SHANK2: variants seen among roughly 807,000 people sequenced by gnomAD.
SHANK2 encodes the protein SH3 and multiple ankyrin repeat domains 2.
SHANK2 carries 43 observed loss-of-function variants against 133.7 expected under a neutral mutation model. That is an observed-to-expected ratio of 0.32 (90% CI 0.25 to 0.41). SHANK2 has a LOEUF of 0.41. Ranked by LOEUF, SHANK2 falls within the 10% of genes least tolerant of loss-of-function variation. SHANK2 has a pLI of 1.00. For missense variants in SHANK2, 1,994 were observed against 2,235.8 expected (o/e 0.89, Z 2.18); for synonymous variants, 1,017 against 952.8 (o/e 1.07, Z -1.24).
At chr11:70,634,288 G>T (rs968534169) in intron 17 of SHANK2, 1 of 151,526 alleles carries the variant, frequency 6.6e-6, no homozygotes. Context: ...CGATGCCTGG[G>T]ATTTGCTGAA....
chr11:70,874,292 TA>T (rs797038832), intron 11 of SHANK2, among the ~76,000 whole-genome samples: 5 of 148,042 alleles, frequency 3.4e-5, no homozygotes, highest in African/African-American at 1.3e-4. Context: ...CTAATCTATC[TA>T]ATCTATCTAA....
intron 17 of SHANK2, among the ~76,000 whole-genome samples, chr11:70,600,776 C>T (rs1327628893): frequency 6.6e-6 from 1 of 152,192 alleles, no homozygotes; most frequent in Non-Finnish European, 1.5e-5. Context: ...ACATAACACA[C>T]ACACATACAC....
At chr11:70,795,645 A>C (rs1284281028) in intron 14 of SHANK2, among the ~76,000 whole-genome samples, 1 of 152,060 alleles carries the variant, frequency 6.6e-6, no homozygotes, top group Admixed American at 6.6e-5. Context: ...AACTCAAGAG[A>C]TCTGCCCACC....
In SHANK2 at chr11:70,900,776, C is replaced by T. The variant is rs141136475; in HGVS notation, c.1108-4209G>A. Among the ~76,000 whole-genome samples the T allele has an allele frequency of 2.3e-4, 35 of 152,262 alleles. No individual in the cohort carries two copies. The East Asian group carries it at 6.2e-3, about 27-fold the overall frequency. On this transcript the variant is annotated intron_variant, in intron 10 of 25. Transcript: ENST00000601538. ...CTCCTGCCTGTCCTCTGGCACTGCC[C>T]GCCCTATGCTTGGCTTATCATGGGT...
rs183251232 is a variant in SHANK2 at position 70,532,736 on chromosome 11, T to C, written c.2062-29805A>G. Among the ~76,000 whole-genome samples, 4 of 152,112 alleles carry C rather than the reference T, an allele frequency of 2.6e-5. No individual in the cohort carries two copies. The East Asian group carries it at 5.8e-4, about 22-fold the overall frequency. On this transcript the variant is annotated intron_variant, in intron 17 of 25. Transcript: ENST00000601538. ...AAGAGTTAAACACAGAATTACCCAA[T>C]GACCCAGCAATTCCATGCCTACTTA...
rs1555058001 is a variant in SHANK2 at position 70,830,169 on chromosome 11, G to A, written c.1175-9487C>T. 2.0e-5 allele frequency among the ~76,000 whole-genome samples: 3 copies of A among 152,192 alleles called. No homozygotes were observed. The highest frequency in any genetic ancestry group is 7.2e-5 in the African/African-American group (3 of 41,446). ...CAGCCTCCAGGGCAGTTTTCATCTG[G>A]TGTCCCCATCCCTGCCTTTCTGGGG... On this transcript the variant is annotated intron_variant, in intron 11 of 25. Transcript: ENST00000601538. The surrounding 1 kb of genome is among the most constrained non-coding windows in gnomAD (Gnocchi z 4.4).
intron 17 of SHANK2, among the ~76,000 whole-genome samples, chr11:70,572,250 C>T (rs1019185211): frequency 6.6e-5 from 10 of 152,228 alleles, no homozygotes; most frequent in Admixed American, 4.6e-4. Flanking sequence ...ACGTCCACCT[C>T]CCAGGTTCAA....
At chr11:71,056,644 G>T (rs1043206474) in intron 9 of SHANK2, 86 bp from the exon 10 acceptor site, 1 of 152,318 alleles carries the variant, frequency 6.6e-6, no homozygotes, top group East Asian at 1.9e-4. Flanking sequence ...CAAGCTCACG[G>T]GAAACCAGGG....
intron 17 of SHANK2, among the ~76,000 whole-genome samples, chr11:70,645,702 C>T (rs782714615): frequency 8.5e-5 from 13 of 152,138 alleles, no homozygotes; most frequent in African/African-American, 1.4e-4. Flanking sequence ...ATTCAGTGGC[C>T]GACACCTCAC....
At chr11:70,548,781 A>C (rs1554977031) in intron 17 of SHANK2, among the ~76,000 whole-genome samples, 2 of 152,206 alleles carry the variant, frequency 1.3e-5, no homozygotes, top group African/African-American at 4.8e-5. Flanking sequence ...AATCAAGTTA[A>C]GATGAGGTCA....
intron 2 of SHANK2, among the ~76,000 whole-genome samples, chr11:71,155,874 G>A (rs1590969344): frequency 6.6e-6 from 1 of 152,168 alleles, no homozygotes; most frequent in Non-Finnish European, 1.5e-5. Context: ...GTGGAAGTCC[G>A]AATCCCCGGG....
chr11:71,060,806 T>C (rs1017116176), intron 9 of SHANK2, among the ~76,000 whole-genome samples: 17 of 152,214 alleles, frequency 1.1e-4, no homozygotes, highest in African/African-American at 4.1e-4. Flanking sequence ...AAACAACGTG[T>C]GAGTCTGCAA....
At chr11:70,735,572 C>T (rs1014645777) in intron 14 of SHANK2, among the ~76,000 whole-genome samples, 4 of 151,998 alleles carry the variant, frequency 2.6e-5, no homozygotes, top group African/African-American at 7.3e-5. Flanking sequence ...GGCGTGGTGG[C>T]GGGCGCCTGT....
chr11:70,825,618 G>C (rs897107304), intron 11 of SHANK2, among the ~76,000 whole-genome samples: 14 of 152,196 alleles, frequency 9.2e-5, no homozygotes, highest in Non-Finnish European at 1.5e-4. Context: ...TTAGTTTCCT[G>C]AGTACTGAAA....
At position 70,472,927 on chromosome 11, in the gene SHANK2, G is replaced by A. The variant is rs907555878; in HGVS notation, c.5492C>T (p.Thr1831Ile). The change falls in exon 26 of 26, where the codon ACT becomes ATT. Residue 1831 changes from threonine (T) to isoleucine (I), a missense_variant. Transcript: ENST00000601538. This position sits in a 1 kb window ranked among gnomAD's most constrained non-coding sequence, Gnocchi z 4.4. ...TATGTTCATTCTGTGCCCGACTCGA[G>A]TTACCCCAAGATCGATGAGGTCCTC... Reference protein sequence around the residue: ...QKEDLIDLGVTRVGHRMNIER... With the variant: ...QKEDLIDLGVIRVGHRMNIER... 6.2e-7 allele frequency: 1 copy of A among 1,614,220 alleles called. No homozygotes were observed. Among genetic ancestry groups the A allele is most frequent in the Non-Finnish European group, 8.5e-7 (1 of 1,180,048 alleles).
At position 70,487,114 on chromosome 11, in the gene SHANK2, G is replaced by A. The variant is rs782754449; in HGVS notation, c.3179C>T (p.Pro1060Leu). 6 of 1,611,160 alleles carry A rather than the reference G, an allele frequency of 3.7e-6. No homozygotes were observed. In the African/African-American group the frequency reaches 4.0e-5, roughly 11 times the overall value. The change falls in exon 25 of 26, where the codon CCG becomes CTG. Residue 1060 changes from proline to leucine, a missense_variant. Around this residue, in one of 5 missense-constraint regions of SHANK2, gnomAD observed 488 missense variants for 642.6 expected, o/e 0.76. Coordinates refer to ENST00000601538, the MANE Select transcript of SHANK2 (RefSeq NM_012309.5). The surrounding 1 kb of genome is among the most constrained non-coding windows in gnomAD (Gnocchi z 5.8). Reference sequence around the variant, plus strand: ...AGGCCGCAGCTGGCTCGGTGGCTCCGGGGCCTGGGGGTCGATCTCCATGCT... The same window carrying A: ...AGGCCGCAGCTGGCTCGGTGGCTCCAGGGCCTGGGGGTCGATCTCCATGCT... ...GSSMEIDPQA[P>L]EPPSQLRPDE...
At chr11:70,954,269 G>C (rs562148570) in intron 10 of SHANK2, among the ~76,000 whole-genome samples, 1 of 152,208 alleles carries the variant, frequency 6.6e-6, no homozygotes, top group Non-Finnish European at 1.5e-5. Context: ...AGCAGATTTC[G>C]TGGGTTTCTG....
rs1555110179 is a variant in SHANK2, at chr11:71,163,093, A to AATATATAT, written c.-12-15756_-12-15755insATATATAT. Among the ~76,000 whole-genome samples the AATATATAT allele has an allele frequency of 8.3e-5, 7 of 84,678 alleles. 1 individual carries two copies. Among genetic ancestry groups the AATATATAT allele is most frequent in the African/African-American group, 3.2e-4 (7 of 21,752 alleles). 55.6% of individuals were successfully genotyped at this position (84,678 alleles called of 152,430 possible). On this transcript the variant is annotated intron_variant, in intron 2 of 25. Coordinates refer to ENST00000601538, the MANE Select transcript of SHANK2 (RefSeq NM_012309.5). ...GTCTAAAAAAAAAAAAAAAAAAAAAAATACATATATATATATATACAGAAT... is the reference window on the plus strand; with the variant it reads ...GTCTAAAAAAAAAAAAAAAAAAAAAAATATATATATACATATATATATATATACAGAAT...
In SHANK2 at chr11:71,247,485, A is replaced by T. The variant is rs113483367; in HGVS notation, c.-113+4940T>A. Among the ~76,000 whole-genome samples the T allele has an allele frequency of 3.2e-3, 419 of 128,932 alleles. 3 individuals are homozygous for T. Among genetic ancestry groups the T allele is most frequent in the African/African-American group, 0.01 (361 of 34,648 alleles). The allele number at this position is 128,932 out of a possible 152,430, so 84.6% of individuals were successfully genotyped here. A position where few individuals can be genotyped will look rare whatever the true frequency, so the allele number is the denominator to read the frequency against. ...TATGAGAGAACAAGCTGTTTTTTTTAAAAAAAACAACACTTTCAGGGACAG... is the reference window on the plus strand; with the variant it reads ...TATGAGAGAACAAGCTGTTTTTTTTTAAAAAAACAACACTTTCAGGGACAG... On this transcript the variant is annotated intron_variant, in intron 1 of 25. Transcript: ENST00000601538.
Sources: gnomAD v4.1 joint callset for allele counts (sites outside exome capture counted in the v4.1 genomes callset) on GRCh38, gnomAD v4.1.1 for gene constraint, gnomAD v4.1.1 regional missense constraint, Gnocchi (gnomAD v3.1) non-coding constraint, MANE v1.5 for transcripts, NCBI Gene and HGNC (gene_info 2026-07-23, HGNC 2026-07-21) for gene names.